Variants in GRID2 observed in about 807,000 individuals in gnomAD.
The protein encoded by GRID2 is glutamate ionotropic receptor delta type subunit 2.
A neutral mutation model predicts 114.8 loss-of-function variants in GRID2; 33 were observed. The observed-to-expected ratio is 0.29, with a 90% confidence interval of 0.22 to 0.38. The LOEUF (loss-of-function observed/expected upper bound fraction) is 0.38. Ranked by LOEUF, GRID2 falls within the 10% of genes least tolerant of loss-of-function variation. The pLI is 1.00. For missense variants in GRID2, 1,184 were observed against 1,257.7 expected (o/e 0.94, Z 0.89); for synonymous variants, 505 against 449.9 (o/e 1.12, Z -1.55).
chr4:92,738,415 C>T (rs1201427028), intron 2 of GRID2, among the ~76,000 whole-genome samples: 1 of 151,958 alleles, frequency 6.6e-6, no homozygotes, highest in Non-Finnish European at 1.5e-5. Flanking sequence ...TAGGCTGTTT[C>T]CTTGGTTGTT....
chr4:93,595,975 C>A (rs552187883), intron 13 of GRID2, among the ~76,000 whole-genome samples: 1 of 152,066 alleles, frequency 6.6e-6, no homozygotes, highest in African/African-American at 2.4e-5. Flanking sequence ...TATTTTGACA[C>A]GAATTTTATG....
intron 1 of GRID2, among the ~76,000 whole-genome samples, chr4:93,786,505 T>A (rs1387367341): frequency 1.3e-5 from 2 of 152,210 alleles, no homozygotes; most frequent in East Asian, 3.8e-4. Flanking sequence ...CAGGGTACAA[T>A]TCCTCTGCAG....
intron 4 of GRID2, among the ~76,000 whole-genome samples, chr4:93,179,159 G>T (rs980086928): frequency 1.3e-5 from 2 of 152,110 alleles, no homozygotes; most frequent in Non-Finnish European, 2.9e-5. Flanking sequence ...AAAATCTTTT[G>T]TTCAATCTGA....
intron 13 of GRID2, among the ~76,000 whole-genome samples, chr4:93,614,017 C>G (rs1015361664): frequency 6.6e-6 from 1 of 151,834 alleles, no homozygotes; most frequent in African/African-American, 2.4e-5. Flanking sequence ...TCTCGTGGTG[C>G]GCCGTTTTTT....
Position 92,600,032 on chromosome 4 carries a change from GTGTGTGTGTGTGTATATATATATATATA to G in GRID2, c.244+9748_244+9775del, listed in dbSNP as rs1476914931. Among the ~76,000 whole-genome samples, 386 of 73,008 alleles carry G rather than the reference GTGTGTGTGTGTGTATATATATATATATA, an allele frequency of 5.3e-3. 11 individuals are homozygous for G. In the East Asian group the frequency reaches 0.095, roughly 18 times the overall value. The allele number at this position is 73,008 out of a possible 152,430, so 47.9% of individuals were successfully genotyped here. A position where few individuals can be genotyped will look rare whatever the true frequency, so the allele number is the denominator to read the frequency against. On this transcript the variant is annotated intron_variant, in intron 2 of 15. Transcript: ENST00000282020. ...AGGGCAATACTTCATGTATGTGTGT[GTGTGTGTGTGTGTATATATATATATATA>G]TATATATATATATATATATATATAT...
At chr4:93,473,750 T>A (rs1580183565) in intron 11 of GRID2, among the ~76,000 whole-genome samples, 2 of 152,282 alleles carry the variant, frequency 1.3e-5, no homozygotes, top group East Asian at 3.9e-4. Context: ...CTTCCTCAGT[T>A]AATGTCTTCA....
rs765486654 is a variant in GRID2 at position 93,395,607 on chromosome 4, C to G, written c.1246C>G (p.Leu416Val). Residue 416 changes from leucine to valine, a missense_variant and splice_region_variant, in exon 9 of 16, where the codon CTT becomes GTT. Physicochemically the swap from Leu to Val is conservative, Grantham distance 32 (BLOSUM62 1). Around this residue, in one of 3 missense-constraint regions of GRID2, gnomAD observed 717 missense variants for 796.9 expected, o/e 0.90. Coordinates refer to ENST00000282020, the MANE Select transcript of GRID2 (RefSeq NM_001510.4). Reference sequence around the variant, plus strand: ...TGACCAAAGTTGTCTTATCTTTCAGCTTGGTTGCTGGAATCCTGTCACAGG... The same window carrying G: ...TGACCAAAGTTGTCTTATCTTTCAGGTTGGTTGCTGGAATCCTGTCACAGG... ...GEELGRGVRK[L>V]GCWNPVTGLN... The G allele has an allele frequency of 6.9e-7, 1 of 1,454,054 alleles. No homozygotes were observed. Among genetic ancestry groups the G allele is most frequent in the South Asian group, 1.1e-5 (1 of 87,442 alleles). 90.1% of individuals were successfully genotyped at this position (1,454,054 alleles called of 1,614,324 possible).
chr4:93,731,406 A>G lies in GRID2; in HGVS notation c.2361-37804A>G, dbSNP rs1730474962. On this transcript the variant is annotated intron_variant, in intron 14 of 15. Transcript: ENST00000282020. ...GGAGAGCGGACAGGAATCATCCACT[A>G]GTCTATGAAGATGTTGGTGACAATG... Among the ~76,000 whole-genome samples, 3 of 152,136 alleles carry G rather than the reference A, an allele frequency of 2.0e-5. No individual in the cohort carries two copies. In the South Asian group the frequency reaches 6.2e-4, roughly 32 times the overall value.
intron 5 of GRID2, 41 bp from the exon 6 acceptor site, chr4:93,216,695 CTG>C: frequency 7.8e-7 from 1 of 1,283,014 alleles, no homozygotes; most frequent in South Asian, 1.3e-5. Context: ...TGTTTTGTGA[CTG>C]TATTAAAGTA....
intron 2 of GRID2, among the ~76,000 whole-genome samples, chr4:92,932,406 A>G (rs986093193): frequency 5.3e-5 from 8 of 151,164 alleles, no homozygotes; most frequent in African/African-American, 1.9e-4. Flanking sequence ...CATTAACAAT[A>G]CCAAAATTTG....
At chr4:93,140,448 G>A (rs1209471540) in intron 4 of GRID2, among the ~76,000 whole-genome samples, 2 of 152,078 alleles carry the variant, frequency 1.3e-5, no homozygotes, top group Non-Finnish European at 2.9e-5. Context: ...GTGAGCCACC[G>A]CGCCCGGCTG....
At chr4:93,323,555 TTAAAG>T (rs1425205831) in intron 8 of GRID2, among the ~76,000 whole-genome samples, 2 of 152,184 alleles carry the variant, frequency 1.3e-5, no homozygotes, top group Non-Finnish European at 2.9e-5. Flanking sequence ...CATATGAACT[TTAAAG>T]TAGTTTTTTC....
chr4:92,839,213 C>G (rs1742691416), intron 2 of GRID2, among the ~76,000 whole-genome samples: 1 of 151,134 alleles, frequency 6.6e-6, no homozygotes, highest in African/African-American at 2.4e-5. Context: ...GTAAACATGA[C>G]TTGGTGTTGT....
intron 13 of GRID2, among the ~76,000 whole-genome samples, chr4:93,566,799 CTCA>C (rs997193902): frequency 9.9e-5 from 15 of 151,638 alleles, no homozygotes; most frequent in African/African-American, 3.6e-4. Context: ...AAAAAAAAAA[CTCA>C]TCAAGTTGTG....
At chr4:93,729,542 T>G (rs370633559) in intron 14 of GRID2, among the ~76,000 whole-genome samples, 1 of 151,942 alleles carries the variant, frequency 6.6e-6, no homozygotes, top group Non-Finnish European at 1.5e-5. Context: ...ATAATACAGA[T>G]AATCATTTTC....
At chr4:93,417,666 C>A (rs538285725) in intron 9 of GRID2, among the ~76,000 whole-genome samples, 1 of 151,940 alleles carries the variant, frequency 6.6e-6, no homozygotes, top group East Asian at 1.9e-4. Context: ...ATAATATGGT[C>A]AATTTACCCA....
At chr4:92,766,267 G>A (rs1578162939) in intron 2 of GRID2, among the ~76,000 whole-genome samples, 7 of 152,196 alleles carry the variant, frequency 4.6e-5, no homozygotes, top group Admixed American at 2.0e-4. Flanking sequence ...AGCTGGGTGC[G>A]GTGGCTCATG....
At chr4:92,448,476 T>C (rs542691009) in intron 1 of GRID2, among the ~76,000 whole-genome samples, 4 of 152,214 alleles carry the variant, frequency 2.6e-5, no homozygotes, top group South Asian at 4.1e-4. Flanking sequence ...CCGAGTAGTA[T>C]TGATTTTTAA....
intron 14 of GRID2, among the ~76,000 whole-genome samples, chr4:93,658,437 C>A (rs1723205629): frequency 6.6e-6 from 1 of 152,248 alleles, no homozygotes; most frequent in South Asian, 2.1e-4. Flanking sequence ...GGCATGCTAT[C>A]ACCAAGCACT....
Sources: gnomAD v4.1 joint callset for allele counts (sites outside exome capture counted in the v4.1 genomes callset) on GRCh38, gnomAD v4.1.1 for gene constraint, gnomAD v4.1.1 regional missense constraint, MANE v1.5 for transcripts, NCBI Gene and HGNC (gene_info 2026-07-23, HGNC 2026-07-21) for gene names.